Variants in MCF2L2 observed in about 807,000 individuals in gnomAD.
The protein encoded by MCF2L2 is probable guanine nucleotide exchange factor MCF2L2.
Under a neutral mutation model 150.2 loss-of-function variants are expected in MCF2L2, and 102 were observed. The ratio of observed to expected loss-of-function variants is 0.68; its 90% CI spans 0.58 to 0.80. MCF2L2 has a LOEUF of 0.80. MCF2L2 is among the 30% of genes least tolerant of loss of function. The pLI is 0.00. For missense variants in MCF2L2, 1,256 were observed against 1,372.8 expected (o/e 0.91, Z 1.34); for synonymous variants, 465 against 491.3 (o/e 0.95, Z 0.71).
At chr3:183,289,015 T>A in intron 14 of MCF2L2, 105 bp downstream of exon 14, 1 of 761,094 alleles carries the variant, frequency 1.3e-6, no homozygotes, top group Non-Finnish European at 2.3e-6. Flanking sequence ...GCTATGTGCC[T>A]TAGGTACAGA....
At chr3:183,241,561 A>G (rs748247002) in intron 15 of MCF2L2, among the ~76,000 whole-genome samples, 4 of 152,174 alleles carry the variant, frequency 2.6e-5, no homozygotes, top group Non-Finnish European at 5.9e-5. Flanking sequence ...CATGTAAGAC[A>G]TGCTTTTGCT....
At chr3:183,281,563 G>C (rs1272580507) in intron 14 of MCF2L2, among the ~76,000 whole-genome samples, 1 of 152,154 alleles carries the variant, frequency 6.6e-6, no homozygotes, top group Non-Finnish European at 1.5e-5. Context: ...AAACTGGGCA[G>C]TCTGTCCCCT....
chr3:183,314,166 G>A (rs1729499054), intron 7 of MCF2L2, among the ~76,000 whole-genome samples: 1 of 152,178 alleles, frequency 6.6e-6, no homozygotes, highest in Admixed American at 6.5e-5. Flanking sequence ...TGAAGCCCAA[G>A]GTGCCCGCAA....
intron 25 of MCF2L2, among the ~76,000 whole-genome samples, chr3:183,201,331 A>G (rs970729911): frequency 6.6e-6 from 1 of 152,132 alleles, no homozygotes; most frequent in Non-Finnish European, 1.5e-5. Context: ...CTCCTTGAAG[A>G]GGTCCTTCAC....
At chr3:183,188,445 C>A (rs1419261499) in intron 27 of MCF2L2, among the ~76,000 whole-genome samples, 1 of 152,214 alleles carries the variant, frequency 6.6e-6, no homozygotes, top group Non-Finnish European at 1.5e-5. Context: ...TACTCTGCCT[C>A]TTGGGGGCAC....
At chr3:183,201,247 C>T (rs1449804153) in intron 25 of MCF2L2, among the ~76,000 whole-genome samples, 1 of 152,170 alleles carries the variant, frequency 6.6e-6, no homozygotes, top group Admixed American at 6.5e-5. Context: ...ATTGATTCTT[C>T]CTATCCATGA....
intron 25 of MCF2L2, among the ~76,000 whole-genome samples, chr3:183,201,467 C>A (rs1410042329): frequency 6.6e-6 from 1 of 152,150 alleles, no homozygotes; most frequent in Non-Finnish European, 1.5e-5. Context: ...AATTTTTGCA[C>A]ATTGATTTTG....
intron 3 of MCF2L2, among the ~76,000 whole-genome samples, chr3:183,355,219 G>A (rs1287433030): frequency 1.3e-5 from 2 of 152,064 alleles, no homozygotes; most frequent in Non-Finnish European, 2.9e-5. Flanking sequence ...CTAGGGGATT[G>A]TGAGGAGGAA....
intron 4 of MCF2L2, 22 bp from the exon 5 acceptor site, chr3:183,338,941 T>A: frequency 6.3e-7 from 1 of 1,589,228 alleles, no homozygotes; most frequent in Non-Finnish European, 8.6e-7. Context: ...AGGAAAAGTG[T>A]CAGGAGGAGA....
chr3:183,212,683 CT>C (rs34944015), intron 22 of MCF2L2, among the ~76,000 whole-genome samples: 43,190 of 151,846 alleles, frequency 0.28, 6,977 homozygotes, highest in South Asian at 0.41. Flanking sequence ...CACAAACTTA[CT>C]GCACAAAGAA....
At chr3:183,351,892 T>C (rs1711512971) in intron 3 of MCF2L2, among the ~76,000 whole-genome samples, 1 of 152,240 alleles carries the variant, frequency 6.6e-6, no homozygotes, top group Non-Finnish European at 1.5e-5. Flanking sequence ...CAGAAGCTCA[T>C]CTCAAGCCCT....
intron 15 of MCF2L2, chr3:183,254,519 CG>C (rs1249302801): frequency 6.6e-6 from 1 of 152,154 alleles, no homozygotes; most frequent in African/African-American, 2.4e-5. Context: ...GCTCGGGGGC[CG>C]GGCAGCTCCG....
chr3:183,389,927 T>A, intron 1 of MCF2L2, 148 bp from the exon 2 acceptor site: 2 of 652,432 alleles, frequency 3.1e-6, no homozygotes, highest in Non-Finnish European at 2.7e-6. Flanking sequence ...AGAACTTGAT[T>A]GCTGAGATCC....
At chr3:183,319,536 A>G (rs952033482) in intron 6 of MCF2L2, among the ~76,000 whole-genome samples, 24 of 146,442 alleles carry the variant, frequency 1.6e-4, no homozygotes, top group African/African-American at 6.7e-4. Flanking sequence ...CCATCAGAGG[A>G]ATCACTATCT....
At chr3:183,183,760 T>C (rs944684392) in intron 27 of MCF2L2, among the ~76,000 whole-genome samples, 1 of 152,172 alleles carries the variant, frequency 6.6e-6, no homozygotes, top group Non-Finnish European at 1.5e-5. Flanking sequence ...ATTACAATAA[T>C]ACTAAAGAGA....
chr3:183,354,151 C>A (rs1711624955), intron 3 of MCF2L2, among the ~76,000 whole-genome samples: 1 of 152,218 alleles, frequency 6.6e-6, no homozygotes, highest in African/African-American at 2.4e-5. Context: ...AAGACTAACA[C>A]AACAGATTCT....
At chr3:183,417,594 C>T (rs566768799) in intron 1 of MCF2L2, among the ~76,000 whole-genome samples, 48 of 152,344 alleles carry the variant, frequency 3.2e-4, no homozygotes, top group African/African-American at 9.9e-4. Flanking sequence ...GCCTGAATAA[C>T]TTCCTTTAGT....
In MCF2L2 at chr3:183,179,455, C is replaced by A; in HGVS notation, c.3270G>T (p.Arg1090=). 6.3e-7 allele frequency: 1 copy of A among 1,592,612 alleles called. No homozygotes were observed. The highest frequency in any genetic ancestry group is 8.6e-7 in the Non-Finnish European group (1 of 1,168,756). The change falls in exon 30 of 30, where the codon CGG becomes CGT. Residue 1090 remains arginine (R), a synonymous_variant. Transcript: ENST00000328913. The surrounding 1 kb of genome is among the most constrained non-coding windows in gnomAD (Gnocchi z 4.2). ...EEERAGASTG[R]LAPAGATAGF... ...CAGCCGTCGCCCCCGCAGGAGCCAG[C>A]CGGCCCGTGGACGCCCCAGCGCGCT...
Position 183,300,047 on chromosome 3 carries a change from G to A in MCF2L2, c.1263C>T (p.Asp421=). 6.2e-7 allele frequency: 1 copy of A among 1,613,780 alleles called. No individual in the cohort carries two copies. The highest frequency in any genetic ancestry group is 1.1e-5 in the South Asian group (1 of 91,032). Residue 421 remains aspartate (D), a synonymous_variant, in exon 11 of 30, where the codon GAC becomes GAT. Transcript: ENST00000328913. ...DFINGNKKKW[D]ILGKSLEFHR... Reference sequence around the variant, plus strand: ...GAAACTCTAAGGACTTTCCTAAAATGTCCCATTTTTTCTTGTTTCCATTGA... The same window carrying A: ...GAAACTCTAAGGACTTTCCTAAAATATCCCATTTTTTCTTGTTTCCATTGA...
Sources: gnomAD v4.1 joint callset for allele counts (sites outside exome capture counted in the v4.1 genomes callset) on GRCh38, gnomAD v4.1.1 for gene constraint, Gnocchi (gnomAD v3.1) non-coding constraint, MANE v1.5 for transcripts, NCBI Gene and HGNC (gene_info 2026-07-23, HGNC 2026-07-21) for gene names.